The following KCNIP4 variants were observed in gnomAD, a reference collection of about 807,000 sequenced individuals.
KCNIP4 encodes the protein potassium voltage-gated channel interacting protein 4, also known as Kv channel-interacting protein 4.
In KCNIP4, 12 loss-of-function variants were observed where a neutral mutation model predicts 34.0. That is an observed-to-expected ratio of 0.35 (90% CI 0.23 to 0.57). The LOEUF (loss-of-function observed/expected upper bound fraction) is 0.57, where lower values mean the gene tolerates loss of function less well. Among genes scored for constraint, KCNIP4 ranks in the 20% least tolerant of loss-of-function variants. The pLI is 0.83. For missense variants in KCNIP4, 238 were observed against 311.7 expected (o/e 0.76, Z 1.78); for synonymous variants, 124 against 102.2 (o/e 1.21, Z -1.29).
chr4:21,408,643 T>A (rs1282640733), intron 1 of KCNIP4, among the ~76,000 whole-genome samples: 5 of 152,194 alleles, frequency 3.3e-5, no homozygotes, highest in Non-Finnish European at 1.5e-5. Context: ...TCTTTTAGAC[T>A]TTTTTTGAGA....
chr4:21,075,863 G>T (rs1326908252), intron 1 of KCNIP4, among the ~76,000 whole-genome samples: 1 of 152,096 alleles, frequency 6.6e-6, no homozygotes, highest in Non-Finnish European at 1.5e-5. Context: ...GCATTTGCTT[G>T]TCTGTAAAGG....
At chr4:20,981,574 C>A (rs1736070279) in intron 1 of KCNIP4, among the ~76,000 whole-genome samples, 1 of 152,162 alleles carries the variant, frequency 6.6e-6, no homozygotes, top group Admixed American at 6.5e-5. Context: ...CTTCTGCTCG[C>A]AGTTACATTT....
intron 5 of KCNIP4, among the ~76,000 whole-genome samples, chr4:20,748,233 C>T (rs1752788215): frequency 6.6e-6 from 1 of 152,084 alleles, no homozygotes; most frequent in African/African-American, 2.4e-5. Flanking sequence ...CTTGGCTCTC[C>T]AATTGTGTAT....
chr4:21,174,926 G>A (rs1754294171), intron 1 of KCNIP4, among the ~76,000 whole-genome samples: 2 of 150,050 alleles, frequency 1.3e-5, no homozygotes, highest in African/African-American at 4.9e-5. Flanking sequence ...GAAAAAAAAA[G>A]CATTAGTAAT....
At chr4:20,887,084 G>T (rs191708391) in intron 1 of KCNIP4, among the ~76,000 whole-genome samples, 50 of 152,032 alleles carry the variant, frequency 3.3e-4, no homozygotes, top group Non-Finnish European at 2.1e-4. Flanking sequence ...GGAACTAAAT[G>T]AAAATTCTAG....
chr4:21,727,550 C>T (rs1478458849), intron 1 of KCNIP4, among the ~76,000 whole-genome samples: 2 of 152,098 alleles, frequency 1.3e-5, no homozygotes, highest in South Asian at 2.1e-4. Flanking sequence ...TATTTGTGGC[C>T]GGGTGTGGTG....
At chr4:20,834,375 G>C (rs956431063) in intron 3 of KCNIP4, among the ~76,000 whole-genome samples, 7 of 152,160 alleles carry the variant, frequency 4.6e-5, no homozygotes, top group African/African-American at 1.7e-4. Flanking sequence ...GTATATGTGG[G>C]TAAGCCAGAC....
chr4:21,208,378 T>A (rs1247205954), intron 1 of KCNIP4, among the ~76,000 whole-genome samples: 2 of 152,164 alleles, frequency 1.3e-5, no homozygotes, highest in African/African-American at 4.8e-5. Context: ...GTCAATGCAG[T>A]CTTTGAGAAT....
intron 1 of KCNIP4, among the ~76,000 whole-genome samples, chr4:21,411,704 G>A (rs1028397695): frequency 1.1e-4 from 17 of 152,134 alleles, no homozygotes; most frequent in Non-Finnish European, 2.2e-4. Context: ...GGCATATGGA[G>A]GAATGTGCCT....
At chr4:20,870,879 C>T (rs887807314) in intron 2 of KCNIP4, among the ~76,000 whole-genome samples, 2 of 152,084 alleles carry the variant, frequency 1.3e-5, no homozygotes, top group South Asian at 2.1e-4. Flanking sequence ...TCCTCCTCAA[C>T]CTTCTCTGTC....
At chr4:21,232,284 TA>T (rs1478114903) in intron 1 of KCNIP4, among the ~76,000 whole-genome samples, 1 of 152,108 alleles carries the variant, frequency 6.6e-6, no homozygotes, top group African/African-American at 2.4e-5. Flanking sequence ...TTTGTTGAGT[TA>T]AAAAAATAAA....
At chr4:21,903,788 C>T (rs1053707601) in intron 1 of KCNIP4, among the ~76,000 whole-genome samples, 1 of 151,974 alleles carries the variant, frequency 6.6e-6, no homozygotes, top group Non-Finnish European at 1.5e-5. Flanking sequence ...GTTTCCCCTT[C>T]GAGTAATATA....
At chr4:21,270,174 T>C (rs982775083) in intron 1 of KCNIP4, among the ~76,000 whole-genome samples, 7 of 152,170 alleles carry the variant, frequency 4.6e-5, no homozygotes, top group Admixed American at 3.3e-4. Flanking sequence ...CCTAGCACAA[T>C]GGTTCCCAAC....
At chr4:21,508,905 C>T (rs1734080010) in intron 1 of KCNIP4, among the ~76,000 whole-genome samples, 1 of 45,820 alleles carries the variant, frequency 2.2e-5, no homozygotes, top group South Asian at 5.8e-4. Flanking sequence ...GTTAGTTGAG[C>T]GCTGTTACTT....
chr4:20,976,676 C>A (rs2149685029), intron 1 of KCNIP4, among the ~76,000 whole-genome samples: 1 of 152,216 alleles, frequency 6.6e-6, no homozygotes, highest in African/African-American at 2.4e-5. Context: ...CTGGAAGGAG[C>A]TGAGCTGATT....
chr4:20,905,587 CT>C (rs1291860243), intron 1 of KCNIP4, among the ~76,000 whole-genome samples: 2 of 132,880 alleles, frequency 1.5e-5, no homozygotes, highest in African/African-American at 2.8e-5. Flanking sequence ...TCTCGGCTCA[CT>C]GCAACCTCTA....
intron 1 of KCNIP4, among the ~76,000 whole-genome samples, chr4:21,877,808 A>C (rs1488470375): frequency 6.6e-6 from 1 of 152,156 alleles, no homozygotes; most frequent in African/African-American, 2.4e-5. Flanking sequence ...TTACAAGAAT[A>C]TCTCTTAGAT....
intron 1 of KCNIP4, among the ~76,000 whole-genome samples, chr4:21,198,018 T>C (rs1331754875): frequency 6.6e-6 from 1 of 152,160 alleles, no homozygotes; most frequent in Non-Finnish European, 1.5e-5. Flanking sequence ...AAAAGAAGTG[T>C]TAACAAGGAT....
intron 1 of KCNIP4, among the ~76,000 whole-genome samples, chr4:21,091,525 CAT>C (rs1404631752): frequency 1.3e-5 from 2 of 152,174 alleles, no homozygotes; most frequent in East Asian, 1.9e-4. Flanking sequence ...TGTTGTCAAA[CAT>C]ATGTCATCCA....
Sources: gnomAD v4.1 joint callset for allele counts (sites outside exome capture counted in the v4.1 genomes callset) on GRCh38, gnomAD v4.1.1 for gene constraint, MANE v1.5 for transcripts, NCBI Gene and HGNC (gene_info 2026-07-23, HGNC 2026-07-21) for gene names.